Variants in C1QTNF1 observed in about 807,000 individuals in gnomAD.
C1QTNF1 encodes the protein C1q and TNF related 1, also known as complement C1q tumor necrosis factor-related protein 1.
C1QTNF1 carries 22 observed loss-of-function variants against 27.8 expected under a neutral mutation model. That is an observed-to-expected ratio of 0.79 (90% CI 0.56 to 1.13). The LOEUF is 1.13. Among genes scored for constraint, C1QTNF1 ranks in the 50% most tolerant of loss-of-function variants. C1QTNF1 has a pLI of 0.00. For synonymous variants in C1QTNF1, 166 were observed against 154.3 expected, an observed-to-expected ratio of 1.08 and a Z score of -0.56; for missense variants, 373 against 380.2, an observed-to-expected ratio of 0.98 and a Z score of 0.16.
intron 1 of C1QTNF1, among the ~76,000 whole-genome samples, chr17:79,031,294 C>T (rs772734882): frequency 2.1e-4 from 31 of 150,288 alleles, no homozygotes; most frequent in Non-Finnish European, 3.9e-4. Context: ...CGTGAGCCAC[C>T]GTGCCCAGCC....
At chr17:79,030,487 T>C (rs60958560) in intron 1 of C1QTNF1, among the ~76,000 whole-genome samples, 1,843 of 62,588 alleles carry the variant, frequency 0.029, 11 homozygotes, top group Non-Finnish European at 0.038. Flanking sequence ...TTCTTTCTTT[T>C]TCTTTCTTTC....
intron 2 of C1QTNF1, among the ~76,000 whole-genome samples, chr17:79,044,703 G>A (rs1001717619): frequency 6.6e-6 from 1 of 152,182 alleles, no homozygotes; most frequent in Non-Finnish European, 1.5e-5. Flanking sequence ...AGCCGACCTG[G>A]GACATTTCCT....
Position 79,032,168 on chromosome 17 carries a change from G to A in C1QTNF1, c.-15+7674G>A, listed in dbSNP as rs146306208. Among the ~76,000 whole-genome samples the A allele has an allele frequency of 1.1e-4, 17 of 152,298 alleles. No homozygotes were observed. The East Asian group carries it at 1.4e-3, about 12-fold the overall frequency. ...GAAACCAAGGACTGTAGACCGGTTC[G>A]TCCGGATGCTGGGGGAGGGGCACCT... On this transcript the variant is annotated intron_variant, in intron 1 of 3. Transcript: ENST00000579760.
At chr17:79,043,698 G>A (rs1200442556) in intron 1 of C1QTNF1, 3 of 599,418 alleles carry the variant, frequency 5.0e-6, no homozygotes, top group Non-Finnish European at 9.4e-6. Context: ...GTGTGCATGT[G>A]TGGGGGTTGC....
At chr17:79,029,521 T>A (rs1568060314) in intron 1 of C1QTNF1, among the ~76,000 whole-genome samples, 2 of 152,212 alleles carry the variant, frequency 1.3e-5, no homozygotes, top group Non-Finnish European at 2.9e-5. Context: ...AGTCTGGCTC[T>A]CAGTGGTGGC....
In C1QTNF1 at chr17:79,047,165, G is replaced by C. The variant is rs192314820; in HGVS notation, c.296-373G>C. 10 of 259,440 alleles carry C rather than the reference G, an allele frequency of 3.9e-5. No homozygotes were observed. The South Asian group carries it at 5.3e-4, about 14-fold the overall frequency. 16.1% of individuals were successfully genotyped at this position (259,440 alleles called of 1,614,324 possible). On this transcript the variant is annotated intron_variant, in intron 3 of 3. Coordinates refer to ENST00000579760, the MANE Select transcript of C1QTNF1 (RefSeq NM_030968.5). The stretch of plus-strand genomic sequence containing the variant: ...CATCTGGAGTTCATTTGCTCAGAGC[G>C]AGCCGTCGGTCTGGCCGCAGAGCCC...
In C1QTNF1 at chr17:79,046,844, G is replaced by C; in HGVS notation, c.295+150G>C. ...AGGCAGGCAGGCTGTCATCTAGAGG[G>C]GAAGGCACAGGAAATTCTGATTTTG... On this transcript the variant is annotated intron_variant, in intron 3 of 3. Coordinates refer to ENST00000579760, the MANE Select transcript of C1QTNF1 (RefSeq NM_030968.5). This position sits in a 1 kb window ranked among gnomAD's most constrained non-coding sequence, Gnocchi z 4.8. The C allele has an allele frequency of 9.9e-7, 1 of 1,013,710 alleles. No homozygotes were observed. Among genetic ancestry groups the C allele is most frequent in the Non-Finnish European group, 1.4e-6 (1 of 710,350 alleles). 62.8% of individuals were successfully genotyped at this position (1,013,710 alleles called of 1,614,324 possible).
chr17:79,031,355 A>G (rs1406743529), intron 1 of C1QTNF1, among the ~76,000 whole-genome samples: 2 of 152,122 alleles, frequency 1.3e-5, no homozygotes, highest in Non-Finnish European at 2.9e-5. Context: ...CTGGTTTACC[A>G]CAATCCCCAT....
At chr17:79,033,772 G>A (rs754528852) in intron 1 of C1QTNF1, among the ~76,000 whole-genome samples, 3 of 152,120 alleles carry the variant, frequency 2.0e-5, no homozygotes, top group African/African-American at 4.8e-5. Flanking sequence ...CAGCCTGGGA[G>A]AGCACCTGTC....
intron 1 of C1QTNF1, among the ~76,000 whole-genome samples, chr17:79,026,742 C>T (rs1249688477): frequency 6.6e-6 from 1 of 152,154 alleles, no homozygotes; most frequent in Admixed American, 6.5e-5. Flanking sequence ...ACTGCCCCTC[C>T]CAGGCAGGTG....
Position 79,048,014 on chromosome 17 carries a change from G to T in C1QTNF1, c.772G>T (p.Ala258Ser), listed in dbSNP as rs778176781. The part of the protein sequence containing the change: ...VRLYKGEREN[A>S]IFSEELDTYI... ...CCTCTACAAGGGCGAACGTGAGAAC[G>T]CCATCTTCAGCGAGGAGCTGGACAC... The change falls in exon 4 of 4, where the codon GCC becomes TCC. Residue 258 changes from alanine to serine, a missense_variant. By Grantham distance (99) the Ala-to-Ser change is moderately conservative (BLOSUM62 1). Transcript: ENST00000579760. 8 of 1,607,594 alleles carry T rather than the reference G, an allele frequency of 5.0e-6. No homozygotes were observed. The highest frequency in any genetic ancestry group is 5.9e-6 in the Non-Finnish European group (7 of 1,178,106).
intron 1 of C1QTNF1, among the ~76,000 whole-genome samples, chr17:79,033,648 G>A (rs1194220859): frequency 6.6e-6 from 1 of 152,046 alleles, no homozygotes; most frequent in Admixed American, 6.5e-5. Context: ...TGAAGCTGCA[G>A]TGAGCCATGA....
At chr17:79,038,023 T>A (rs1027431875) in intron 1 of C1QTNF1, among the ~76,000 whole-genome samples, 1 of 150,986 alleles carries the variant, frequency 6.6e-6, no homozygotes, top group Non-Finnish European at 1.5e-5. Flanking sequence ...GGAGTCTCAC[T>A]CTGTTGCTCA....
At chr17:79,042,985 CAT>C (rs1268338836) in intron 1 of C1QTNF1, among the ~76,000 whole-genome samples, 12 of 151,774 alleles carry the variant, frequency 7.9e-5, no homozygotes, top group African/African-American at 2.9e-4. Context: ...TGAAAGTGTG[CAT>C]GTGTGGATTG....
In C1QTNF1 at chr17:79,048,494, A is replaced by G. The variant is rs778619144; in HGVS notation, c.*406A>G. ...GTGGAGGACAAAGAAAAGGGTTGTT[A>G]TTTTTGTCTTTCCAGCCAGCCTGCT... On this transcript the variant is annotated 3_prime_UTR_variant, in exon 4 of 4. Transcript: ENST00000579760. The G allele has an allele frequency of 6.0e-6, 1 of 167,500 alleles. No homozygotes were observed. The highest frequency in any genetic ancestry group is 1.3e-5 in the Non-Finnish European group (1 of 78,776). The allele number at this position is 167,500 out of a possible 1,614,324, so 10.4% of individuals were successfully genotyped here.
Position 79,048,193 on chromosome 17 carries a change from T to A in C1QTNF1, c.*105T>A, listed in dbSNP as rs560806223. 113 of 1,104,314 alleles carry A rather than the reference T, an allele frequency of 1.0e-4. No homozygotes were observed. The highest frequency in any genetic ancestry group is 2.8e-4 in the Admixed American group (9 of 32,682). The allele number at this position is 1,104,314 out of a possible 1,614,324, so 68.4% of individuals were successfully genotyped here. ...GACTCCGACTCCCTGGCTTTGGCAT[T>A]CAGTGAGACGCCCTGCACACACAGA... is the stretch of plus-strand genomic sequence containing the variant. On this transcript the variant is annotated 3_prime_UTR_variant, in exon 4 of 4. Coordinates refer to ENST00000579760, the MANE Select transcript of C1QTNF1 (RefSeq NM_030968.5).
At chr17:79,032,086 A>T (rs561820236) in intron 1 of C1QTNF1, among the ~76,000 whole-genome samples, 1 of 152,296 alleles carries the variant, frequency 6.6e-6, no homozygotes, top group East Asian at 1.9e-4. Flanking sequence ...GTGATGCCTG[A>T]GAAATGAGAT....
intron 1 of C1QTNF1, among the ~76,000 whole-genome samples, chr17:79,033,599 G>T (rs1164521776): frequency 6.6e-6 from 1 of 151,798 alleles, no homozygotes; most frequent in Non-Finnish European, 1.5e-5. Flanking sequence ...CCAGCTACCC[G>T]GGAGGCTGAG....
intron 1 of C1QTNF1, among the ~76,000 whole-genome samples, chr17:79,028,204 C>T (rs1349799524): frequency 1.3e-5 from 2 of 152,190 alleles, no homozygotes; most frequent in Non-Finnish European, 2.9e-5. Flanking sequence ...AAGTCAAGTT[C>T]TTGGTGCCCT....
Sources: gnomAD v4.1 joint callset for allele counts (sites outside exome capture counted in the v4.1 genomes callset) on GRCh38, gnomAD v4.1.1 for gene constraint, Gnocchi (gnomAD v3.1) non-coding constraint, MANE v1.5 for transcripts, NCBI Gene and HGNC (gene_info 2026-07-23, HGNC 2026-07-21) for gene names.